EPHA3: variants seen among roughly 807,000 people sequenced by gnomAD.
The protein encoded by EPHA3 is ephrin type-A receptor 3.
In EPHA3, 42 loss-of-function variants were observed where a neutral mutation model predicts 107.1. That is an observed-to-expected ratio of 0.39 (90% CI 0.31 to 0.51). The LOEUF (loss-of-function observed/expected upper bound fraction) is 0.51, where lower values mean the gene tolerates loss of function less well. Ranked by LOEUF, EPHA3 falls within the 20% of genes least tolerant of loss-of-function variation. EPHA3 has a pLI of 0.78. For missense variants in EPHA3, 1,183 were observed against 1,211.2 expected (o/e 0.98, Z 0.35); for synonymous variants, 461 against 424.8 (o/e 1.09, Z -1.05).
At chr3:89,412,421 T>C (rs371478886) in intron 9 of EPHA3, among the ~76,000 whole-genome samples, 1 of 151,574 alleles carries the variant, frequency 6.6e-6, no homozygotes, top group African/African-American at 2.4e-5. Flanking sequence ...ATTCAACTCA[T>C]AGACAATATT....
chr3:89,194,101 G>A (rs1237968425), intron 2 of EPHA3, among the ~76,000 whole-genome samples: 1 of 151,954 alleles, frequency 6.6e-6, no homozygotes, highest in Non-Finnish European at 1.5e-5. Context: ...GGATTAAAAT[G>A]AGATTTAGTC....
chr3:89,151,607 G>A (rs1040951490), intron 2 of EPHA3, among the ~76,000 whole-genome samples: 2 of 152,022 alleles, frequency 1.3e-5, no homozygotes, highest in African/African-American at 4.8e-5. Context: ...TTTCAGTACT[G>A]TTTATACAAG....
At chr3:89,161,161 A>AT (rs891852402) in intron 2 of EPHA3, among the ~76,000 whole-genome samples, 10 of 152,286 alleles carry the variant, frequency 6.6e-5, no homozygotes, top group African/African-American at 2.4e-4. Flanking sequence ...TATGAAAATC[A>AT]TTTTGATTTC....
chr3:89,248,849 A>G (rs1324395310), intron 3 of EPHA3, among the ~76,000 whole-genome samples: 1 of 152,204 alleles, frequency 6.6e-6, no homozygotes, highest in Non-Finnish European at 1.5e-5. Flanking sequence ...AAAGGACAAA[A>G]TGAAAAACCA....
intron 15 of EPHA3, among the ~76,000 whole-genome samples, chr3:89,458,134 C>T (rs1710137452): frequency 6.6e-6 from 1 of 152,128 alleles, no homozygotes; most frequent in Non-Finnish European, 1.5e-5. Flanking sequence ...GCAGCCAATC[C>T]AGATTTTAGG....
At chr3:89,459,495 T>TTCCTTCTC (rs1327669120) in intron 15 of EPHA3, among the ~76,000 whole-genome samples, 1 of 100,494 alleles carries the variant, frequency 1.0e-5, no homozygotes, top group Admixed American at 1.1e-4. Flanking sequence ...CCTTCTCTCC[T>TTCCTTCTC]TCCTTCCTTC....
Position 89,161,073 on chromosome 3 carries a change from C to T in EPHA3, c.153+33800C>T, listed in dbSNP as rs1185511110. ...TCTGAGTGATGATCTCATCTCACAT[C>T]ACGCAGCTTCTAAAAATCTCCACCA... On this transcript the variant is annotated intron_variant, in intron 2 of 16. Coordinates refer to ENST00000336596, the MANE Select transcript of EPHA3 (RefSeq NM_005233.6). 7.2e-5 allele frequency among the ~76,000 whole-genome samples: 11 copies of T among 152,248 alleles called. No homozygotes were observed. The East Asian group carries it at 1.5e-3, about 21-fold the overall frequency.
chr3:89,186,443 T>C (rs1233791921), intron 2 of EPHA3, among the ~76,000 whole-genome samples: 1 of 152,130 alleles, frequency 6.6e-6, no homozygotes, highest in East Asian at 1.9e-4. Flanking sequence ...TCTTTAATTC[T>C]TAAAAATTAT....
chr3:89,143,967 T>C (rs973264480), intron 2 of EPHA3, among the ~76,000 whole-genome samples: 1 of 151,632 alleles, frequency 6.6e-6, no homozygotes, highest in Non-Finnish European at 1.5e-5. Context: ...GAACAGAAAG[T>C]ACAGAGAGTT....
At chr3:89,320,010 T>G (rs1236774542) in intron 3 of EPHA3, among the ~76,000 whole-genome samples, 3 of 151,884 alleles carry the variant, frequency 2.0e-5, no homozygotes, top group Non-Finnish European at 4.4e-5. Flanking sequence ...AAGTATGTAT[T>G]TAAGCATGAG....
At position 89,376,264 on chromosome 3, in the gene EPHA3, C is replaced by T. The variant is rs571797978; in HGVS notation, c.1307-19573C>T. Among the ~76,000 whole-genome samples the T allele has an allele frequency of 4.0e-5, 6 of 151,310 alleles. No homozygotes were observed. The East Asian group carries it at 7.8e-4, about 20-fold the overall frequency. On this transcript the variant is annotated intron_variant, in intron 5 of 16. Coordinates refer to ENST00000336596, the MANE Select transcript of EPHA3 (RefSeq NM_005233.6). ...AATTCCAGAATTTTTTAGATTACTT[C>T]GGGAATTAAATAAAAGAATACATGA...
intron 1 of EPHA3, among the ~76,000 whole-genome samples, chr3:89,110,438 T>C (rs543510406): frequency 6.6e-6 from 1 of 152,038 alleles, no homozygotes; most frequent in East Asian, 1.9e-4. Context: ...TTAGAAAATG[T>C]TTAATCTGAA....
intron 5 of EPHA3, among the ~76,000 whole-genome samples, chr3:89,366,706 G>A (rs1190303321): frequency 6.6e-6 from 1 of 150,528 alleles, no homozygotes; most frequent in Non-Finnish European, 1.5e-5. Context: ...CTTTAACTGG[G>A]AAACAGTTAT....
intron 2 of EPHA3, among the ~76,000 whole-genome samples, chr3:89,204,331 C>T (rs959632441): frequency 1.3e-5 from 2 of 152,006 alleles, no homozygotes; most frequent in South Asian, 2.1e-4. Context: ...GATAACTGTC[C>T]ACATCTTCCC....
At chr3:89,461,231 G>A (rs1710234096) in intron 15 of EPHA3, among the ~76,000 whole-genome samples, 1 of 108,144 alleles carries the variant, frequency 9.2e-6, no homozygotes. Flanking sequence ...TATCATTGTT[G>A]GACATTTGGG....
chr3:89,219,323 T>C (rs1425706474), intron 3 of EPHA3, among the ~76,000 whole-genome samples: 1 of 151,828 alleles, frequency 6.6e-6, no homozygotes, highest in East Asian at 2.0e-4. Context: ...GCCACCCTGC[T>C]CAGATAATTT....
chr3:89,158,176 T>C (rs565095172), intron 2 of EPHA3, among the ~76,000 whole-genome samples: 2 of 152,236 alleles, frequency 1.3e-5, no homozygotes, highest in East Asian at 3.9e-4. Flanking sequence ...AAGTAAATTA[T>C]CCAAGGTTGC....
intron 3 of EPHA3, among the ~76,000 whole-genome samples, chr3:89,280,971 A>G (rs1705932415): frequency 6.6e-6 from 1 of 151,730 alleles, no homozygotes; most frequent in Non-Finnish European, 1.5e-5. Flanking sequence ...GTGTTCACAT[A>G]TTATCTAACC....
At chr3:89,169,266 G>T (rs546192416) in intron 2 of EPHA3, among the ~76,000 whole-genome samples, 4 of 151,844 alleles carry the variant, frequency 2.6e-5, no homozygotes, top group Middle Eastern at 3.2e-3. Flanking sequence ...ATTTTAAAAG[G>T]TTAGTTAGGG....
Sources: allele counts gnomAD v4.1 joint callset (sites outside exome capture counted in the v4.1 genomes callset), GRCh38; gene constraint gnomAD v4.1.1; transcripts MANE v1.5; gene names NCBI Gene and HGNC (gene_info 2026-07-23, HGNC 2026-07-21).